HTR2C: variants seen among roughly 807,000 people sequenced by gnomAD.
HTR2C encodes 5-hydroxytryptamine receptor 2C.
A neutral mutation model predicts 21.0 loss-of-function variants in HTR2C; 5 were observed. The observed-to-expected ratio is 0.24, with a 90% CI of 0.12 to 0.50. The LOEUF (loss-of-function observed/expected upper bound fraction) is 0.50, where lower values mean the gene tolerates loss of function less well. Ranked by LOEUF, HTR2C falls within the 20% of genes least tolerant of loss-of-function variation. The pLI, the probability that HTR2C is intolerant of heterozygous loss-of-function variation, is 0.98. For missense variants in HTR2C, 271 were observed against 371.2 expected (o/e 0.73, Z 2.22); for synonymous variants, 150 against 145.3 (o/e 1.03, Z -0.23).
rs185127498 is a variant in HTR2C, at chrX:114,611,998, A to G, written c.-146-1817A>G. On this transcript the variant is annotated intron_variant, in intron 1 of 5. Transcript: ENST00000276198. ...AGGTGTGAGCCACCGTGCCTGGCCC[A>G]AAGTTTTAATCCAAGTTATTTTTCA... Among the ~76,000 whole-genome samples, 89 of 112,234 alleles carry G rather than the reference A, an allele frequency of 7.9e-4. No individual in the cohort carries two copies. The East Asian group carries it at 0.01, about 13-fold the overall frequency.
At chrX:114,678,907 G>A (rs1362943361) in intron 2 of HTR2C, among the ~76,000 whole-genome samples, 1 of 111,266 alleles carries the variant, frequency 9.0e-6, no homozygotes, top group Admixed American at 9.6e-5. Flanking sequence ...CAATTAACAG[G>A]GTTCTGTTCC....
At chrX:114,584,810 C>G (rs1927320496) in intron 1 of HTR2C, among the ~76,000 whole-genome samples, 151 bp downstream of exon 1, 1 of 110,537 alleles carries the variant, frequency 9.0e-6, no homozygotes, top group Non-Finnish European at 1.9e-5. Flanking sequence ...TCTGAACGCG[C>G]AAATCGCGAG....
intron 4 of HTR2C, among the ~76,000 whole-genome samples, chrX:114,822,263 T>C (rs1218180482): frequency 1.8e-5 from 2 of 112,201 alleles, no homozygotes; most frequent in Admixed American, 1.9e-4. Context: ...AAATACCAGA[T>C]TAAAGGTATG....
At chrX:114,875,670 T>C (rs1351627938) in intron 5 of HTR2C, among the ~76,000 whole-genome samples, 1 of 111,138 alleles carries the variant, frequency 9.0e-6, no homozygotes, top group Non-Finnish European at 1.9e-5. Flanking sequence ...GTCCCCATTA[T>C]GTATTTTTTA....
chrX:114,681,603 A>G (rs1556413515), intron 2 of HTR2C, among the ~76,000 whole-genome samples: 1 of 111,262 alleles, frequency 9.0e-6, no homozygotes, highest in Non-Finnish European at 1.9e-5. Context: ...GAGATGAAAT[A>G]ATGTTCCTCT....
At chrX:114,891,854 G>T (rs372785960) in intron 5 of HTR2C, among the ~76,000 whole-genome samples, 1 of 110,516 alleles carries the variant, frequency 9.0e-6, no homozygotes, top group Admixed American at 9.7e-5. Flanking sequence ...AGTTTTCAGA[G>T]AATTTTTATC....
chrX:114,803,552 G>A (rs1419109936), intron 4 of HTR2C, among the ~76,000 whole-genome samples: 7 of 105,375 alleles, frequency 6.6e-5, no homozygotes, highest in Admixed American at 1.1e-4. Flanking sequence ...GTCTGTTCAT[G>A]TCCTTTGCCC....
At chrX:114,898,691 A>G (rs996122732) in intron 5 of HTR2C, among the ~76,000 whole-genome samples, 6 of 112,086 alleles carry the variant, frequency 5.4e-5, no homozygotes, top group Non-Finnish European at 1.1e-4. Context: ...TTTGTCAAAT[A>G]TCAGATAGTT....
chrX:114,688,330 AAAAAAG>A (rs1169253417), intron 2 of HTR2C, among the ~76,000 whole-genome samples: 16 of 109,559 alleles, frequency 1.5e-4, no homozygotes, highest in South Asian at 3.9e-4. Context: ...CAAAAAAAAA[AAAAAAG>A]AAAAGAAAAG....
At chrX:114,901,913 A>G (rs2147536920) in intron 5 of HTR2C, among the ~76,000 whole-genome samples, 1 of 111,289 alleles carries the variant, frequency 9.0e-6, no homozygotes, top group African/African-American at 3.3e-5. Flanking sequence ...AACAATTGTG[A>G]AATATGTGGC....
intron 1 of HTR2C, among the ~76,000 whole-genome samples, chrX:114,609,191 G>C (rs782267959): frequency 9.1e-6 from 1 of 110,472 alleles, no homozygotes; most frequent in African/African-American, 3.3e-5. Flanking sequence ...AGAAACTGGG[G>C]CTTTCTACAT....
rs1367966215 is a variant in HTR2C, at chrX:114,848,235, A to G, written c.550+32A>G. The G allele has an allele frequency of 4.8e-6, 5 of 1,038,752 alleles. No individual in the cohort carries two copies. In the African/African-American group the frequency reaches 5.5e-5, roughly 12 times the overall value. The allele number at this position is 1,038,752 out of a possible 1,213,427, so 85.6% of individuals were successfully genotyped here. On this transcript the variant is annotated intron_variant, in intron 5 of 5. Coordinates refer to ENST00000276198, the MANE Select transcript of HTR2C (RefSeq NM_000868.4). Reference sequence around the variant, plus strand: ...AAAACTTTTTGGCCATAAGAATTGCAGCGGCTATGCTCAATACTTTCGGAT... The same window carrying G: ...AAAACTTTTTGGCCATAAGAATTGCGGCGGCTATGCTCAATACTTTCGGAT...
chrX:114,774,712 C>T (rs2070039314), intron 4 of HTR2C: 1 of 294,908 alleles, frequency 3.4e-6, no homozygotes, highest in African/African-American at 2.8e-5. Flanking sequence ...TTGAGAATTC[C>T]TAGTAACTTA....
chrX:114,849,047 T>C (rs1556468474), intron 5 of HTR2C, among the ~76,000 whole-genome samples: 1 of 112,034 alleles, frequency 8.9e-6, no homozygotes, highest in African/African-American at 3.2e-5. Flanking sequence ...ATCATCTAAA[T>C]ATTTTGACTC....
At chrX:114,901,670 A>T (rs2071338173) in intron 5 of HTR2C, among the ~76,000 whole-genome samples, 1 of 111,618 alleles carries the variant, frequency 9.0e-6, no homozygotes, top group South Asian at 3.7e-4. Context: ...CTTTTCAGAG[A>T]TTTGCAACAA....
chrX:114,876,291 A>G (rs1231148085), intron 5 of HTR2C, among the ~76,000 whole-genome samples: 1 of 110,404 alleles, frequency 9.1e-6, no homozygotes, highest in African/African-American at 3.3e-5. Context: ...ATTAATTTTA[A>G]TAGCTTTACA....
At chrX:114,651,723 G>A (rs1196897192) in intron 2 of HTR2C, 1 of 123,562 alleles carries the variant, frequency 8.1e-6, no homozygotes, top group Non-Finnish European at 1.9e-5. Context: ...TACTAACTAT[G>A]CTTCCAAATT....
intron 2 of HTR2C, among the ~76,000 whole-genome samples, chrX:114,694,466 TATATATATATATATATATATATATATAC>T (rs1932207692): frequency 2.8e-4 from 1 of 3,574 alleles, no homozygotes; most frequent in Non-Finnish European, 6.4e-4. Context: ...TATATATATA[TATATATATATATATATATATATATATAC>T]ACACACAGAT....
chrX:114,633,143 C>T (rs1929697791), intron 2 of HTR2C, among the ~76,000 whole-genome samples: 1 of 111,321 alleles, frequency 9.0e-6, no homozygotes, highest in Non-Finnish European at 1.9e-5. Flanking sequence ...GTCTTTTTCT[C>T]AGCATTTTTC....
Sources: allele counts gnomAD v4.1 joint callset (sites outside exome capture counted in the v4.1 genomes callset), GRCh38; gene constraint gnomAD v4.1.1; transcripts MANE v1.5; gene names NCBI Gene and HGNC (gene_info 2026-07-23, HGNC 2026-07-21).